The following RANBP9 variants were observed in gnomAD, a reference collection of about 807,000 sequenced individuals.
RANBP9 encodes RAN binding protein 9.
Under a neutral mutation model 84.3 loss-of-function variants are expected in RANBP9, and 15 were observed. That is an observed-to-expected ratio of 0.18 (90% CI 0.12 to 0.27). The LOEUF is 0.27. Ranked by LOEUF, RANBP9 falls within the 10% of genes least tolerant of loss-of-function variation. RANBP9 has a pLI of 1.00. For synonymous variants in RANBP9, 392 were observed against 349.6 expected, an observed-to-expected ratio of 1.12 and a Z score of -1.35; for missense variants, 809 against 912.8, an observed-to-expected ratio of 0.89 and a Z score of 1.46.
intron 13 of RANBP9, 139 bp downstream of exon 13, chr6:13,625,513 AT>A (rs1200473204): frequency 4.1e-6 from 2 of 487,848 alleles, no homozygotes; most frequent in Non-Finnish European, 7.3e-6. Flanking sequence ...GGGTTTCTAT[AT>A]TTTAGGTATT....
chr6:13,625,917 A>G (rs1764589328), intron 12 of RANBP9, among the ~76,000 whole-genome samples, 153 bp from the exon 13 acceptor site: 1 of 152,180 alleles, frequency 6.6e-6, no homozygotes, highest in South Asian at 2.1e-4. Flanking sequence ...GACGCTCTAC[A>G]TTTTTGAACA....
chr6:13,622,445 G>C lies in RANBP9; in HGVS notation c.2107C>G (p.Gln703Glu). The change falls in exon 14 of 14, where the codon CAG becomes GAG. Residue 703 changes from glutamine (Q) to glutamate (E), a missense_variant. Gln to Glu is a conservative substitution (Grantham distance 29, BLOSUM62 2). Coordinates refer to ENST00000011619, the MANE Select transcript of RANBP9 (RefSeq NM_005493.3). The part of the protein sequence containing the change: ...KQPPLALAMG[Q>E]ATQCLGLMAR... ...ATCAGTCCTAGACATTGTGTGGCCTGTCCCATTGCTAGGGCAAGTGGAGGT... is the reference window on the plus strand; with the variant it reads ...ATCAGTCCTAGACATTGTGTGGCCTCTCCCATTGCTAGGGCAAGTGGAGGT... The C allele has an allele frequency of 1.2e-6, 2 of 1,601,434 alleles. No homozygotes were observed. Among genetic ancestry groups the C allele is most frequent in the East Asian group, 4.5e-5 (2 of 44,534 alleles).
At chr6:13,659,186 A>C (rs1445895088) in intron 2 of RANBP9, among the ~76,000 whole-genome samples, 7 of 151,994 alleles carry the variant, frequency 4.6e-5, no homozygotes, top group African/African-American at 1.7e-4. Flanking sequence ...GCAGAAGGAA[A>C]AAAAATGTTA....
intron 1 of RANBP9, among the ~76,000 whole-genome samples, chr6:13,709,932 T>G (rs1584954543): frequency 6.6e-6 from 1 of 152,242 alleles, no homozygotes; most frequent in African/African-American, 2.4e-5. Context: ...AAGCTTCTGC[T>G]TTAGGTTTGG....
chr6:13,696,738 A>C, intron 2 of RANBP9, 47 bp downstream of exon 2: 1 of 1,502,564 alleles, frequency 6.7e-7, no homozygotes, highest in Non-Finnish European at 9.2e-7. Context: ...ATTATGAACC[A>C]AAACAAAAAA....
intron 1 of RANBP9, among the ~76,000 whole-genome samples, chr6:13,702,590 T>A (rs144773027): frequency 6.6e-6 from 1 of 152,264 alleles, no homozygotes; most frequent in African/African-American, 2.4e-5. Context: ...GACACAGTGG[T>A]CTCTAACACA....
In RANBP9 at chr6:13,634,375, A is replaced by C. The variant is rs542359970; in HGVS notation, c.1795+56T>G. On this transcript the variant is annotated intron_variant, in intron 11 of 13. Transcript: ENST00000011619. ...CAGCTGTGAATCAGTACAAGTAAAA[A>C]CATAACCTTGTAGCCATCATTTTTT... 5 of 1,575,606 alleles carry C rather than the reference A, an allele frequency of 3.2e-6. No individual in the cohort carries two copies. In the African/African-American group the frequency reaches 5.4e-5, roughly 17 times the overall value.
At chr6:13,707,005 C>CA (rs34108954) in intron 1 of RANBP9, among the ~76,000 whole-genome samples, 20,041 of 122,048 alleles carry the variant, frequency 0.16, 1,804 homozygotes, top group African/African-American at 0.24. Flanking sequence ...GACTCTGTCT[C>CA]AAAAAAAAAA....
chr6:13,635,572 G>T (rs1764916957), intron 10 of RANBP9, among the ~76,000 whole-genome samples: 1 of 151,346 alleles, frequency 6.6e-6, no homozygotes, highest in South Asian at 2.1e-4. Flanking sequence ...ACACCTTGGG[G>T]GTGTGTGTGT....
rs116015507 is a variant in RANBP9, at chr6:13,701,235, C to T, written c.572-4339G>A. 1.8e-3 allele frequency among the ~76,000 whole-genome samples: 275 copies of T among 152,278 alleles called. 1 individual carries two copies. Among genetic ancestry groups the T allele is most frequent in the African/African-American group, 6.3e-3 (261 of 41,546 alleles). ...TGACACTCTCAGTATCATAATCTAC[C>T]TTCCATACTCCCACACTGGACAGTT... On this transcript the variant is annotated intron_variant, in intron 1 of 13. Transcript: ENST00000011619.
At chr6:13,640,924 A>C (rs1251364758) in intron 8 of RANBP9, among the ~76,000 whole-genome samples, 1 of 152,188 alleles carries the variant, frequency 6.6e-6, no homozygotes, top group Non-Finnish European at 1.5e-5. Context: ...CTGAGAAGGA[A>C]AAATAGACAC....
intron 1 of RANBP9, among the ~76,000 whole-genome samples, chr6:13,705,868 C>CAAAAAAAAAAAAA (rs767070995): frequency 2.6e-4 from 20 of 76,732 alleles, no homozygotes; most frequent in East Asian, 1.8e-3. Flanking sequence ...GACTCCGTCT[C>CAAAAAAAAAAAAA]AAAAAAAAAA....
chr6:13,683,821 A>G (rs1404034455), intron 2 of RANBP9, among the ~76,000 whole-genome samples: 1 of 152,114 alleles, frequency 6.6e-6, no homozygotes, highest in Non-Finnish European at 1.5e-5. Context: ...AATAACTGAC[A>G]GAGTAAGAGG....
intron 5 of RANBP9, among the ~76,000 whole-genome samples, chr6:13,647,840 T>A (rs963149416): frequency 2.6e-5 from 4 of 152,192 alleles, no homozygotes; most frequent in Non-Finnish European, 5.9e-5. Flanking sequence ...TTACTCAACC[T>A]TAAAACTGGA....
rs1372990238 is a variant in RANBP9 at position 13,702,807 on chromosome 6, C to T, written c.572-5911G>A. Among the ~76,000 whole-genome samples the T allele has an allele frequency of 2.0e-5, 3 of 152,242 alleles. No homozygotes were observed. In the East Asian group the frequency reaches 5.8e-4, roughly 29 times the overall value. ...TTCATCTATATTTCTCAAGGATAAT[C>T]TCTATTCACTATCCTCTCTACTTGG... On this transcript the variant is annotated intron_variant, in intron 1 of 13. Coordinates refer to ENST00000011619, the MANE Select transcript of RANBP9 (RefSeq NM_005493.3).
intron 1 of RANBP9, among the ~76,000 whole-genome samples, chr6:13,699,626 G>A (rs1407138115): frequency 6.6e-6 from 1 of 152,168 alleles, no homozygotes; most frequent in Non-Finnish European, 1.5e-5. Context: ...ACTTTGGGAG[G>A]CTGAGGCGGG....
intron 5 of RANBP9, among the ~76,000 whole-genome samples, chr6:13,647,888 T>G (rs1765208350): frequency 6.6e-6 from 1 of 152,146 alleles, no homozygotes; most frequent in Admixed American, 6.5e-5. Flanking sequence ...AGTCCTTAAC[T>G]TGCTATATTA....
intron 10 of RANBP9, among the ~76,000 whole-genome samples, chr6:13,635,110 A>G (rs1002659685): frequency 2.0e-5 from 3 of 152,226 alleles, no homozygotes; most frequent in African/African-American, 7.2e-5. Flanking sequence ...AGGGTAACTG[A>G]TAACTTAAAA....
chr6:13,710,940 T>G lies in RANBP9; in HGVS notation c.566A>C (p.Tyr189Ser). ...GCAGGACACACGCCCAGTACCTTTGTAGTGCACCCGCAGGTTGTTCTGAGA... is the reference window on the plus strand; with the variant it reads ...GCAGGACACACGCCCAGTACCTTTGGAGTGCACCCGCAGGTTGTTCTGAGA... ...GLSQNNLRVH[Y>S]KGHGKTPKDA... is the part of the protein sequence containing the mutation. The change falls in exon 1 of 14, where the codon TAC (tyrosine) becomes TCC (serine). Residue 189 changes from tyrosine (Y) to serine (S), a missense_variant. Physicochemically the swap from Tyr to Ser is moderately radical, Grantham distance 144 (BLOSUM62 -2). Coordinates refer to ENST00000011619, the MANE Select transcript of RANBP9 (RefSeq NM_005493.3). 2 of 1,606,300 alleles carry G rather than the reference T, an allele frequency of 1.2e-6. No individual in the cohort carries two copies. The highest frequency in any genetic ancestry group is 1.7e-6 in the Non-Finnish European group (2 of 1,176,752).
Sources: allele counts gnomAD v4.1 joint callset (sites outside exome capture counted in the v4.1 genomes callset), GRCh38; gene constraint gnomAD v4.1.1; transcripts MANE v1.5; gene names NCBI Gene and HGNC (gene_info 2026-07-23, HGNC 2026-07-21).